The following USP6NL variants were observed in gnomAD, a reference collection of about 807,000 sequenced individuals.
USP6NL encodes USP6 N-terminal like.
Under a neutral mutation model 61.9 loss-of-function variants are expected in USP6NL, and 26 were observed. The observed-to-expected ratio is 0.42, with a 90% confidence interval of 0.31 to 0.58. USP6NL has a LOEUF of 0.58. Ranked by LOEUF, USP6NL falls within the 20% of genes least tolerant of loss-of-function variation. The pLI, the probability that USP6NL is intolerant of heterozygous loss-of-function variation, is 0.16. For synonymous variants in USP6NL, 432 were observed against 390.1 expected, an observed-to-expected ratio of 1.11 and a Z score of -1.27; for missense variants, 1,114 against 1,034.3, an observed-to-expected ratio of 1.08 and a Z score of -1.06.
At position 11,482,556 on chromosome 10, in the gene USP6NL, A is replaced by G. The variant is rs184363693; in HGVS notation, c.926-634T>C. On this transcript the variant is annotated intron_variant, in intron 13 of 14. Transcript: ENST00000609104. The surrounding 1 kb of genome is among the most constrained non-coding windows in gnomAD (Gnocchi z 4.0). ...TTATGTATATCAATTGAAGAATCCA[A>G]ATTATACTTTTCAAGTTATTCCCCT... Among the ~76,000 whole-genome samples, 8 of 152,326 alleles carry G rather than the reference A, an allele frequency of 5.3e-5. No individual in the cohort carries two copies. In the South Asian group the frequency reaches 1.2e-3, roughly 24 times the overall value.
chr10:11,518,514 T>C lies in USP6NL; in HGVS notation c.195+21A>G. On this transcript the variant is annotated intron_variant, in intron 5 of 14. Transcript: ENST00000609104. The surrounding 1 kb of genome is among the most constrained non-coding windows in gnomAD (Gnocchi z 5.3). The stretch of plus-strand genomic sequence containing the variant: ...AAGGCAATTCACCAGTAACTGTAAA[T>C]ACATCAAGAGCAGGACTTACCCGTT... 3.1e-6 allele frequency: 5 copies of C among 1,609,044 alleles called. No individual in the cohort carries two copies. The highest frequency in any genetic ancestry group is 4.2e-6 in the Non-Finnish European group (5 of 1,176,930).
chr10:11,547,676 G>A (rs1038785284), intron 2 of USP6NL, among the ~76,000 whole-genome samples: 1 of 152,108 alleles, frequency 6.6e-6, no homozygotes. Flanking sequence ...GAGTAGCTGG[G>A]ACTACAGGCA....
At chr10:11,541,346 G>A (rs186287552) in intron 2 of USP6NL, among the ~76,000 whole-genome samples, 2 of 144,082 alleles carry the variant, frequency 1.4e-5, no homozygotes, top group East Asian at 4.0e-4. Context: ...GCAGTAACCA[G>A]CATTTATTCT....
At chr10:11,567,490 A>G (rs1004423288) in intron 2 of USP6NL, among the ~76,000 whole-genome samples, 3 of 152,188 alleles carry the variant, frequency 2.0e-5, no homozygotes, top group African/African-American at 7.2e-5. Context: ...CAACATACAC[A>G]ATTTTGACTT....
At chr10:11,581,278 A>C (rs560826397) in intron 2 of USP6NL, among the ~76,000 whole-genome samples, 1 of 152,374 alleles carries the variant, frequency 6.6e-6, no homozygotes, top group South Asian at 2.1e-4. Context: ...TACTGATTTT[A>C]CAAAAGTGAG....
chr10:11,479,614 C>T (rs551291826), intron 14 of USP6NL, among the ~76,000 whole-genome samples: 2 of 131,524 alleles, frequency 1.5e-5, no homozygotes, highest in South Asian at 2.4e-4. Flanking sequence ...CTCACTTTGT[C>T]GCCCAGGTTG....
Position 11,550,794 on chromosome 10 carries a change from TA to T in USP6NL, c.5-23228del, listed in dbSNP as rs200645454. On this transcript the variant is annotated intron_variant, in intron 2 of 14. Coordinates refer to ENST00000609104, the MANE Select transcript of USP6NL (RefSeq NM_014688.5). ...ATAAAAACAAAATAATAAAAAAAAT[TA>T]AAAAAAAAACAGGCAAGAGATTTGA... is the stretch of plus-strand genomic sequence containing the variant. 4.0e-3 allele frequency among the ~76,000 whole-genome samples: 574 copies of T among 144,294 alleles called. 4 individuals are homozygous for T. The highest frequency in any genetic ancestry group is 0.032 in the East Asian group (158 of 4,972). The allele number at this position is 144,294 out of a possible 152,430, so 94.7% of individuals were successfully genotyped here.
intron 2 of USP6NL, 30 bp from the exon 3 acceptor site, chr10:11,527,597 T>C (rs371155319): frequency 7.2e-5 from 114 of 1,580,330 alleles, no homozygotes; most frequent in African/African-American, 2.8e-4. Context: ...TTTAGATGAA[T>C]TGTCATTGAA....
In USP6NL at chr10:11,527,586, A is replaced by T; in HGVS notation, c.5-19T>A. On this transcript the variant is annotated intron_variant, in intron 2 of 14. Transcript: ENST00000609104. ...TCTGAATCTGTGGAGAAGACATCAA[A>T]TTTAGATGAATTGTCATTGAAAGAA... 1.3e-6 allele frequency: 2 copies of T among 1,595,168 alleles called. No homozygotes were observed. Among genetic ancestry groups the T allele is most frequent in the East Asian group, 4.5e-5 (2 of 44,522 alleles).
At chr10:11,567,123 A>C (rs1229446040) in intron 2 of USP6NL, among the ~76,000 whole-genome samples, 1 of 152,256 alleles carries the variant, frequency 6.6e-6, no homozygotes, top group East Asian at 1.9e-4. Context: ...CGAAAATTTA[A>C]AAATGGGGGA....
rs374502489 is a variant in USP6NL at position 11,589,633 on chromosome 10, C to T, written c.4+7998G>A. Among the ~76,000 whole-genome samples the T allele has an allele frequency of 3.3e-5, 5 of 152,300 alleles. No individual in the cohort carries two copies. In the East Asian group the frequency reaches 5.8e-4, roughly 18 times the overall value. On this transcript the variant is annotated intron_variant, in intron 2 of 14. Coordinates refer to ENST00000609104, the MANE Select transcript of USP6NL (RefSeq NM_014688.5). This position sits in a 1 kb window ranked among gnomAD's most constrained non-coding sequence, Gnocchi z 4.7. ...GGTTCACCAGTGAAGAGATCAAACA[C>T]AGTGCTTTACTGTAGTGTTCAAACC...
At chr10:11,471,527 G>A (rs928321826) in intron 14 of USP6NL, among the ~76,000 whole-genome samples, 5 of 152,128 alleles carry the variant, frequency 3.3e-5, no homozygotes, top group East Asian at 1.9e-4. Flanking sequence ...ACATGCACAC[G>A]TATGTTTACT....
In USP6NL at chr10:11,587,128, T is replaced by G. The variant is rs746179961; in HGVS notation, c.4+10503A>C. ...AAGGCCAAGGGTCATGTCTGTCTTG[T>G]TCTTGGCTGTATCATCTAAGACCAC... On this transcript the variant is annotated intron_variant, in intron 2 of 14. Transcript: ENST00000609104. This position sits in a 1 kb window ranked among gnomAD's most constrained non-coding sequence, Gnocchi z 4.5. 2.0e-5 allele frequency among the ~76,000 whole-genome samples: 3 copies of G among 152,188 alleles called. No individual in the cohort carries two copies. Among genetic ancestry groups the G allele is most frequent in the Admixed American group, 1.3e-4 (2 of 15,274 alleles).
intron 7 of USP6NL, among the ~76,000 whole-genome samples, chr10:11,500,061 G>GC (rs2133302653): frequency 6.6e-6 from 1 of 152,214 alleles, no homozygotes; most frequent in East Asian, 1.9e-4. Context: ...GCAAACTAAC[G>GC]CAAGAACAGA....
chr10:11,493,557 C>A (rs1328208743), intron 7 of USP6NL, among the ~76,000 whole-genome samples: 1 of 152,212 alleles, frequency 6.6e-6, no homozygotes, highest in Non-Finnish European at 1.5e-5. Context: ...CTGAGCCATG[C>A]AGTCTGTTAT....
intron 2 of USP6NL, among the ~76,000 whole-genome samples, chr10:11,594,235 G>C (rs1031164197): frequency 6.6e-6 from 1 of 151,946 alleles, no homozygotes; most frequent in African/African-American, 2.4e-5. Context: ...AGTCTACTAA[G>C]GAACAATTTC....
intron 13 of USP6NL, 42 bp downstream of exon 13, chr10:11,484,929 T>G: frequency 6.9e-7 from 1 of 1,447,554 alleles, no homozygotes; most frequent in East Asian, 2.5e-5. Context: ...TAAATAAGCC[T>G]CAATTTTTAA....
chr10:11,563,098 T>C lies in USP6NL; in HGVS notation c.4+34533A>G, dbSNP rs1006728365. On this transcript the variant is annotated intron_variant, in intron 2 of 14. Coordinates refer to ENST00000609104, the MANE Select transcript of USP6NL (RefSeq NM_014688.5). The stretch of plus-strand genomic sequence containing the variant: ...ACTCTGGTACATCCATACTGTGGAA[T>C]ACTACTCATCAATAAAAAAGAGACA... 3 of 152,290 alleles carry C rather than the reference T, an allele frequency of 2.0e-5. No individual in the cohort carries two copies. The East Asian group carries it at 5.8e-4, about 29-fold the overall frequency. The allele number at this position is 152,290 out of a possible 1,614,324, so 9.4% of individuals were successfully genotyped here.
chr10:11,593,857 T>C (rs1838235520), intron 2 of USP6NL, among the ~76,000 whole-genome samples: 1 of 152,178 alleles, frequency 6.6e-6, no homozygotes, highest in Non-Finnish European at 1.5e-5. Flanking sequence ...CTTCTTCAGT[T>C]TATCCCACGT....
Sources: gnomAD v4.1 joint callset for allele counts (sites outside exome capture counted in the v4.1 genomes callset) on GRCh38, gnomAD v4.1.1 for gene constraint, Gnocchi (gnomAD v3.1) non-coding constraint, MANE v1.5 for transcripts, NCBI Gene and HGNC (gene_info 2026-07-23, HGNC 2026-07-21) for gene names.